GALNT13: variants seen among roughly 807,000 people sequenced by gnomAD.
GALNT13 encodes the protein polypeptide N-acetylgalactosaminyltransferase 13.
A neutral mutation model predicts 64.2 loss-of-function variants in GALNT13; 28 were observed. The ratio of observed to expected loss-of-function variants is 0.44; its 90% CI spans 0.32 to 0.60. The LOEUF is 0.60. Among genes scored for constraint, GALNT13 ranks in the 20% least tolerant of loss-of-function variants. The pLI, the probability that GALNT13 is intolerant of heterozygous loss-of-function variation, is 0.05. For missense variants in GALNT13, 577 were observed against 669.8 expected (o/e 0.86, Z 1.53); for synonymous variants, 214 against 224.6 (o/e 0.95, Z 0.42).
chr2:154,085,051 C>T (rs984504768), intron 3 of GALNT13, among the ~76,000 whole-genome samples: 2 of 151,756 alleles, frequency 1.3e-5, no homozygotes, highest in African/African-American at 2.4e-5. Flanking sequence ...ACAGAGAACC[C>T]AACTCTACAC....
At chr2:153,485,958 C>T in the GALNT13 span, among the ~76,000 whole-genome samples, 1 of 151,544 alleles carries the variant, frequency 6.6e-6, no homozygotes, top group African/African-American at 2.4e-5. Context: ...GTTTTTTTTC[C>T]AAGAGTCTTT....
chr2:153,230,508 T>A, the GALNT13 span, among the ~76,000 whole-genome samples: 1 of 152,186 alleles, frequency 6.6e-6, no homozygotes, highest in Non-Finnish European at 1.5e-5. Flanking sequence ...TTTATTAGCT[T>A]TGAAATGGAG....
chr2:154,159,482 C>T (rs1422992911), intron 4 of GALNT13, among the ~76,000 whole-genome samples: 4 of 151,968 alleles, frequency 2.6e-5, no homozygotes, highest in African/African-American at 9.7e-5. Context: ...GGTGGGCACT[C>T]AATAAATATT....
chr2:153,074,712 A>G, the GALNT13 span, among the ~76,000 whole-genome samples: 40 of 152,164 alleles, frequency 2.6e-4, no homozygotes, highest in African/African-American at 7.0e-4. Flanking sequence ...ACTATATTTG[A>G]TGTGTTTCAA....
chr2:154,095,829 A>T (rs932374711), intron 3 of GALNT13, among the ~76,000 whole-genome samples: 1 of 151,952 alleles, frequency 6.6e-6, no homozygotes, highest in Admixed American at 6.6e-5. Context: ...TATGTTAAAG[A>T]TGTCAGTATT....
At chr2:154,384,065 C>G (rs982646495) in intron 9 of GALNT13, among the ~76,000 whole-genome samples, 1 of 151,728 alleles carries the variant, frequency 6.6e-6, no homozygotes, top group African/African-American at 2.4e-5. Flanking sequence ...GTGTTTGCTA[C>G]CATTGTCTTG....
intron 4 of GALNT13, among the ~76,000 whole-genome samples, chr2:154,205,488 A>C (rs891448143): frequency 6.6e-6 from 1 of 152,228 alleles, no homozygotes; most frequent in Non-Finnish European, 1.5e-5. Flanking sequence ...TGAATTATAT[A>C]TTGAAATGTT....
the GALNT13 span, among the ~76,000 whole-genome samples, chr2:153,140,847 C>A: frequency 8.6e-5 from 13 of 152,046 alleles, no homozygotes; most frequent in South Asian, 2.5e-3. Context: ...TGAATTAATG[C>A]TTCATATACA....
the GALNT13 span, among the ~76,000 whole-genome samples, chr2:153,339,974 C>T: frequency 6.6e-6 from 1 of 152,032 alleles, no homozygotes; most frequent in South Asian, 2.1e-4. Flanking sequence ...TGTTTTTATG[C>T]CTGTAACACA....
chr2:154,144,509 G>A (rs988714932), intron 4 of GALNT13, among the ~76,000 whole-genome samples: 1 of 152,150 alleles, frequency 6.6e-6, no homozygotes, highest in Non-Finnish European at 1.5e-5. Flanking sequence ...CGAAGAAGCT[G>A]AATTTATTTT....
the GALNT13 span, among the ~76,000 whole-genome samples, chr2:153,706,396 G>A: frequency 2.0e-5 from 3 of 152,174 alleles, no homozygotes; most frequent in Non-Finnish European, 2.9e-5. Flanking sequence ...AAAAATGAAA[G>A]CCCACTACAA....
chr2:153,101,829 G>A, the GALNT13 span, among the ~76,000 whole-genome samples: 9 of 152,302 alleles, frequency 5.9e-5, 1 homozygote, highest in South Asian at 1.2e-3. Flanking sequence ...CTGTCTTTGC[G>A]TAGAAATAAA....
intron 4 of GALNT13, among the ~76,000 whole-genome samples, chr2:154,182,544 A>C (rs914623986): frequency 6.6e-6 from 1 of 151,606 alleles, no homozygotes; most frequent in Non-Finnish European, 1.5e-5. Flanking sequence ...CTTAAAAATT[A>C]TTGAGGAACC....
At chr2:153,348,529 G>T in the GALNT13 span, among the ~76,000 whole-genome samples, 4 of 152,130 alleles carry the variant, frequency 2.6e-5, no homozygotes, top group African/African-American at 9.7e-5. Context: ...TGAAAAGTTT[G>T]TTTTTAACAA....
chr2:154,110,162 A>G (rs889870568), intron 3 of GALNT13, among the ~76,000 whole-genome samples: 5 of 150,196 alleles, frequency 3.3e-5, no homozygotes, highest in Non-Finnish European at 7.4e-5. Flanking sequence ...TGCATTTTGT[A>G]TGTCTTCATG....
At chr2:153,144,149 A>T in the GALNT13 span, among the ~76,000 whole-genome samples, 3 of 152,028 alleles carry the variant, frequency 2.0e-5, no homozygotes, top group South Asian at 6.2e-4. Context: ...CATGGAAAGA[A>T]GGGTCATTGG....
At chr2:153,280,006 T>C in the GALNT13 span, among the ~76,000 whole-genome samples, 1 of 152,164 alleles carries the variant, frequency 6.6e-6, no homozygotes, top group Non-Finnish European at 1.5e-5. Flanking sequence ...GGGGCTTTTA[T>C]TGGTTGGTAG....
intron 3 of GALNT13, among the ~76,000 whole-genome samples, chr2:154,061,355 C>T (rs909005766): frequency 6.6e-6 from 1 of 152,178 alleles, no homozygotes; most frequent in African/African-American, 2.4e-5. Context: ...TGTGACCTGA[C>T]AGGTAAAAGC....
At chr2:154,335,919 C>T (rs1695419268) in intron 9 of GALNT13, among the ~76,000 whole-genome samples, 1 of 151,922 alleles carries the variant, frequency 6.6e-6, no homozygotes, top group Non-Finnish European at 1.5e-5. Flanking sequence ...TATATTTCCA[C>T]TAAGTCTAAA....
Sources: gnomAD v4.1 joint callset for allele counts (sites outside exome capture counted in the v4.1 genomes callset) on GRCh38, gnomAD v4.1.1 for gene constraint, MANE v1.5 for transcripts, NCBI Gene and HGNC (gene_info 2026-07-23, HGNC 2026-07-21) for gene names.